TMEFF2: variants seen among roughly 807,000 people sequenced by gnomAD.
The protein encoded by TMEFF2 is transmembrane protein with EGF like and two follistatin like domains 2.
TMEFF2 carries 28 observed loss-of-function variants against 53.8 expected under a neutral mutation model. The observed-to-expected ratio is 0.52, with a 90% CI of 0.39 to 0.71. The LOEUF (loss-of-function observed/expected upper bound fraction) is 0.71. TMEFF2 is among the 30% of genes least tolerant of loss of function. The pLI is 0.00. For missense variants in TMEFF2, 353 were observed against 455.2 expected (o/e 0.78, Z 2.04); for synonymous variants, 162 against 166.3 (o/e 0.97, Z 0.20).
At chr2:191,984,428 T>A (rs1469895235) in intron 7 of TMEFF2, among the ~76,000 whole-genome samples, 1 of 152,114 alleles carries the variant, frequency 6.6e-6, no homozygotes, top group African/African-American at 2.4e-5. Flanking sequence ...AGCTACAACG[T>A]AAAATCCTTC....
chr2:191,986,248 C>A (rs2105820533), intron 7 of TMEFF2, among the ~76,000 whole-genome samples: 1 of 152,238 alleles, frequency 6.6e-6, no homozygotes, highest in South Asian at 2.1e-4. Context: ...ATTAAACAAT[C>A]TTTCAAACAG....
intron 5 of TMEFF2, among the ~76,000 whole-genome samples, chr2:192,011,370 G>A (rs1686621779): frequency 6.6e-6 from 1 of 152,218 alleles, no homozygotes; most frequent in Non-Finnish European, 1.5e-5. Flanking sequence ...GTCAGGGAAG[G>A]CAGAGGAACT....
chr2:192,080,601 G>A (rs373469616), intron 4 of TMEFF2, among the ~76,000 whole-genome samples: 12 of 152,182 alleles, frequency 7.9e-5, no homozygotes, highest in East Asian at 3.8e-4. Flanking sequence ...GGTAGAGAGA[G>A]TAAGTCAATT....
intron 4 of TMEFF2, among the ~76,000 whole-genome samples, chr2:192,121,751 G>C (rs1218438963): frequency 6.6e-6 from 1 of 152,054 alleles, no homozygotes; most frequent in Non-Finnish European, 1.5e-5. Flanking sequence ...TAGCAGAACA[G>C]TAACACAATC....
chr2:191,977,332 C>T (rs1357045763), intron 7 of TMEFF2, among the ~76,000 whole-genome samples: 1 of 152,252 alleles, frequency 6.6e-6, no homozygotes, highest in Non-Finnish European at 1.5e-5. Flanking sequence ...GCGGCACCCA[C>T]TAACCATCAC....
At chr2:192,008,627 A>G (rs1415571805) in intron 5 of TMEFF2, among the ~76,000 whole-genome samples, 1 of 152,218 alleles carries the variant, frequency 6.6e-6, no homozygotes, top group Non-Finnish European at 1.5e-5. Flanking sequence ...TGAGTCAGGA[A>G]GCATGAAAAC....
At chr2:192,129,500 C>T (rs1689760499) in intron 4 of TMEFF2, among the ~76,000 whole-genome samples, 1 of 152,106 alleles carries the variant, frequency 6.6e-6, no homozygotes, top group Non-Finnish European at 1.5e-5. Context: ...TTTATGTCAA[C>T]CTGAAAAATT....
At chr2:192,110,983 TG>T (rs1287311907) in intron 4 of TMEFF2, among the ~76,000 whole-genome samples, 24 of 152,218 alleles carry the variant, frequency 1.6e-4, no homozygotes, top group Non-Finnish European at 1.5e-5. Flanking sequence ...ATGTAAGACA[TG>T]CCTTTTGCCA....
intron 7 of TMEFF2, among the ~76,000 whole-genome samples, chr2:191,973,932 T>TGTAA (rs1478436602): frequency 1.3e-5 from 2 of 152,186 alleles, no homozygotes; most frequent in African/African-American, 4.8e-5. Flanking sequence ...CCACCATGAT[T>TGTAA]GTAAGTTTCC....
rs373651393 is a variant in TMEFF2, at chr2:192,186,298, A to T, written c.283-1815T>A. Among the ~76,000 whole-genome samples, 5 of 152,180 alleles carry T rather than the reference A, an allele frequency of 3.3e-5. No individual in the cohort carries two copies. In the East Asian group the frequency reaches 9.6e-4, roughly 29 times the overall value. ...AAACTGACTCACCACAGGCCTGAGC[A>T]TCTCCACTACCATCCAAGAAAGAAG... On this transcript the variant is annotated intron_variant, in intron 2 of 9. Transcript: ENST00000272771.
At chr2:191,980,963 G>C (rs1024159317) in intron 7 of TMEFF2, among the ~76,000 whole-genome samples, 2 of 151,786 alleles carry the variant, frequency 1.3e-5, no homozygotes, top group African/African-American at 2.4e-5. Flanking sequence ...ATTTCTCTCT[G>C]TTGCTACCAT....
chr2:191,985,173 G>C (rs1360081918), intron 7 of TMEFF2, among the ~76,000 whole-genome samples: 5 of 151,718 alleles, frequency 3.3e-5, no homozygotes, highest in African/African-American at 1.2e-4. Context: ...TCTCACAAAG[G>C]GCTTTAATAT....
chr2:192,194,794 A>G lies in TMEFF2; in HGVS notation c.-270T>C. On this transcript the variant is annotated 5_prime_UTR_variant, in exon 1 of 10. Transcript: ENST00000272771. This position sits in a 1 kb window ranked among gnomAD's most constrained non-coding sequence, Gnocchi z 4.2. ...CGGGAAGCTGCTGCCATAAGGAGGG[A>G]GCTCTGGGAAGCCGGAGGACAGGAG... is the stretch of plus-strand genomic sequence containing the variant. The G allele has an allele frequency of 2.1e-6, 1 of 486,364 alleles. No individual in the cohort carries two copies. The highest frequency in any genetic ancestry group is 3.8e-5 in the East Asian group (1 of 26,130). The allele number at this position is 486,364 out of a possible 1,614,324, so 30.1% of individuals were successfully genotyped here. A position where few individuals can be genotyped will look rare whatever the true frequency, so the allele number is the denominator to read the frequency against.
intron 4 of TMEFF2, among the ~76,000 whole-genome samples, chr2:192,093,647 C>A (rs1688840525): frequency 6.6e-6 from 1 of 151,940 alleles, no homozygotes; most frequent in African/African-American, 2.4e-5. Flanking sequence ...GAGACGGCAC[C>A]AGGAATCTCC....
chr2:192,120,267 C>T (rs1371502107), intron 4 of TMEFF2, among the ~76,000 whole-genome samples: 1 of 152,172 alleles, frequency 6.6e-6, no homozygotes, highest in Non-Finnish European at 1.5e-5. Context: ...AAAGCTATGG[C>T]AGACCTTAAG....
At chr2:192,121,032 C>A (rs1014106592) in intron 4 of TMEFF2, among the ~76,000 whole-genome samples, 7 of 152,156 alleles carry the variant, frequency 4.6e-5, no homozygotes, top group African/African-American at 1.7e-4. Context: ...CCACACCCAG[C>A]CTGAACAAAC....
chr2:192,112,226 C>T (rs1231324796), intron 4 of TMEFF2, among the ~76,000 whole-genome samples: 1 of 152,160 alleles, frequency 6.6e-6, no homozygotes, highest in Non-Finnish European at 1.5e-5. Flanking sequence ...CAACACTAGG[C>T]CGTGAAAGCA....
chr2:191,985,291 GTTTT>G (rs1685950389), intron 7 of TMEFF2, among the ~76,000 whole-genome samples: 2 of 152,038 alleles, frequency 1.3e-5, no homozygotes, highest in Admixed American at 1.3e-4. Context: ...ATAGAATTTA[GTTTT>G]TTTGATAATT....
At chr2:192,114,672 C>G (rs908765623) in intron 4 of TMEFF2, among the ~76,000 whole-genome samples, 4 of 151,770 alleles carry the variant, frequency 2.6e-5, no homozygotes, top group Non-Finnish European at 4.4e-5. Context: ...GAAAACAATT[C>G]TGTTTACAGT....
Sources: gnomAD v4.1 joint callset for allele counts (sites outside exome capture counted in the v4.1 genomes callset) on GRCh38, gnomAD v4.1.1 for gene constraint, Gnocchi (gnomAD v3.1) non-coding constraint, MANE v1.5 for transcripts, NCBI Gene and HGNC (gene_info 2026-07-23, HGNC 2026-07-21) for gene names.